The following ZEB2 variants were observed in gnomAD, a reference collection of about 807,000 sequenced individuals.
The protein encoded by ZEB2 is zinc finger E-box-binding homeobox 2.
A neutral mutation model predicts 99.9 loss-of-function variants in ZEB2; 6 were observed. That is an observed-to-expected ratio of 0.06 (90% CI 0.03 to 0.12). The LOEUF (loss-of-function observed/expected upper bound fraction) is 0.12. Among genes scored for constraint, ZEB2 ranks in the 10% least tolerant of loss-of-function variants. ZEB2 has a pLI of 1.00. For missense variants in ZEB2, 969 were observed against 1,502.8 expected (o/e 0.64, Z 5.87); for synonymous variants, 517 against 542.5 (o/e 0.95, Z 0.65).
rs1040666861 is a variant in ZEB2 at position 144,387,659 on chromosome 2, T to C, written c.*1792A>G. 1.3e-5 allele frequency: 2 copies of C among 152,342 alleles called. No homozygotes were observed. Among genetic ancestry groups the C allele is most frequent in the East Asian group, 3.9e-4 (2 of 5,192 alleles). The allele number at this position is 152,342 out of a possible 1,614,324, so 9.4% of individuals were successfully genotyped here. On this transcript the variant is annotated 3_prime_UTR_variant, in exon 10 of 10. Coordinates refer to ENST00000627532, the MANE Select transcript of ZEB2 (RefSeq NM_014795.4). Reference sequence around the variant, plus strand: ...GCTGTCTTTTTGAAATTAGACTTTTTTTTGAATAAATCACAAAGACCCCTT... The same window carrying C: ...GCTGTCTTTTTGAAATTAGACTTTTCTTTGAATAAATCACAAAGACCCCTT...
chr2:144,508,945 C>T (rs1279607799), intron 2 of ZEB2, among the ~76,000 whole-genome samples: 1 of 152,006 alleles, frequency 6.6e-6, no homozygotes, highest in Non-Finnish European at 1.5e-5. Flanking sequence ...TTTTAATGTG[C>T]TGCCTTGATT....
chr2:144,400,026 T>C lies in ZEB2; in HGVS notation c.1161A>G (p.Leu387=), dbSNP rs146673563. 1.0e-3 allele frequency: 1,626 copies of C among 1,614,214 alleles called. 2 individuals are homozygous for C. The highest frequency in any genetic ancestry group is 1.3e-3 in the Admixed American group (76 of 60,026). ...CTAGTGGTTCTGTTTTAATTTTAAGTAAGCCTGTCTGTTCAGACATACTAA... is the reference window on the plus strand; with the variant it reads ...CTAGTGGTTCTGTTTTAATTTTAAGCAAGCCTGTCTGTTCAGACATACTAA... ...KPLSMSEQTG[L]LKIKTEPLDF... The change falls in exon 8 of 10, where the codon TTA becomes TTG. Residue 387 remains leucine (L), a synonymous_variant. Coordinates refer to ENST00000627532, the MANE Select transcript of ZEB2 (RefSeq NM_014795.4).
Position 144,398,705 on chromosome 2 carries a change from T to C in ZEB2, c.2482A>G (p.Lys828Glu). ...LSLPKQMKEP[K>E]SIIATKNKTK... ...TTGTTCTTTGTGGCTATAATACTTT[T>C]GGGTTCTTTCATTTGTTTTGGTAAT... The change falls in exon 8 of 10, where the codon AAA (lysine) becomes GAA (glutamate). Residue 828 changes from lysine to glutamate, a missense_variant. Coordinates refer to ENST00000627532, the MANE Select transcript of ZEB2 (RefSeq NM_014795.4). 6.2e-7 allele frequency: 1 copy of C among 1,614,152 alleles called. No homozygotes were observed. Among genetic ancestry groups the C allele is most frequent in the South Asian group, 1.1e-5 (1 of 91,080 alleles).
At chr2:144,422,353 C>T (rs1053369842) in intron 4 of ZEB2, among the ~76,000 whole-genome samples, 7 of 152,210 alleles carry the variant, frequency 4.6e-5, no homozygotes, top group Admixed American at 1.3e-4. Flanking sequence ...AGATGTCACA[C>T]TTTCCCTTCT....
At chr2:144,400,771 T>G (rs1328813510) in intron 7 of ZEB2, among the ~76,000 whole-genome samples, 1 of 152,236 alleles carries the variant, frequency 6.6e-6, no homozygotes, top group Non-Finnish European at 1.5e-5. Flanking sequence ...TGTTCTGTGA[T>G]CCACGGCCCT....
chr2:144,519,247 C>G (rs1482350438), intron 1 of ZEB2: 1 of 152,196 alleles, frequency 6.6e-6, no homozygotes, highest in Non-Finnish European at 1.5e-5. Flanking sequence ...TAGTGCCCCC[C>G]CCTCCACTTT....
At position 144,520,068 on chromosome 2, in the gene ZEB2, G is replaced by A. The variant is rs1304656092; in HGVS notation, c.-199C>T. On this transcript the variant is annotated 5_prime_UTR_variant, in exon 1 of 10. Transcript: ENST00000627532. ...CCGGAGCAAACTGTACAAAAACCTC[G>A]CCAAGAGTGTCGGGAGGCAGGACCG... is the stretch of plus-strand genomic sequence containing the variant. 2 of 454,438 alleles carry A rather than the reference G, an allele frequency of 4.4e-6. No individual in the cohort carries two copies. Among genetic ancestry groups the A allele is most frequent in the African/African-American group, 4.0e-5 (2 of 49,996 alleles). 28.2% of individuals were successfully genotyped at this position (454,438 alleles called of 1,614,324 possible).
intron 2 of ZEB2, among the ~76,000 whole-genome samples, chr2:144,443,441 C>A (rs1035491988): frequency 6.6e-6 from 1 of 152,108 alleles, no homozygotes; most frequent in Non-Finnish European, 1.5e-5. Flanking sequence ...TGCAGTATTG[C>A]TTCAATCTGA....
chr2:144,514,058 GAGACTGAC>G, intron 2 of ZEB2: 1 of 564,192 alleles, frequency 1.8e-6, no homozygotes, highest in Non-Finnish European at 2.8e-6. Flanking sequence ...TGGGGGAAAG[GAGACTGAC>G]TGCCCGCTAT....
intron 2 of ZEB2, among the ~76,000 whole-genome samples, chr2:144,500,751 G>C (rs1433726960): frequency 6.6e-6 from 1 of 152,162 alleles, no homozygotes; most frequent in Non-Finnish European, 1.5e-5. Context: ...CTAGGCCTGG[G>C]AGCTGGGGGC....
At chr2:144,469,180 T>C (rs763841736) in intron 2 of ZEB2, among the ~76,000 whole-genome samples, 18 of 152,156 alleles carry the variant, frequency 1.2e-4, no homozygotes, top group Non-Finnish European at 2.2e-4. Flanking sequence ...GGCAGGCTTA[T>C]AGTAAAATGT....
chr2:144,448,183 G>A (rs1704010141), intron 2 of ZEB2, among the ~76,000 whole-genome samples: 1 of 152,166 alleles, frequency 6.6e-6, no homozygotes, highest in African/African-American at 2.4e-5. Flanking sequence ...GACTTACAGT[G>A]GTAAGATTTT....
intron 2 of ZEB2, among the ~76,000 whole-genome samples, chr2:144,485,537 G>A (rs1328932340): frequency 6.6e-6 from 1 of 152,112 alleles, no homozygotes; most frequent in African/African-American, 2.4e-5. Flanking sequence ...AGGAGTTGGG[G>A]AGTTATTTCT....
chr2:144,417,401 T>C (rs1029822254), intron 4 of ZEB2, among the ~76,000 whole-genome samples: 1 of 152,232 alleles, frequency 6.6e-6, no homozygotes, highest in South Asian at 2.1e-4. Context: ...TTTTTGTTTA[T>C]TGGTTGTTAT....
intron 2 of ZEB2, among the ~76,000 whole-genome samples, chr2:144,431,728 C>T (rs62169207): frequency 2.4e-5 from 3 of 125,750 alleles, no homozygotes; most frequent in Non-Finnish European, 4.9e-5. Flanking sequence ...TACCTTAGTA[C>T]AATCAATAAT....
Position 144,389,633 on chromosome 2 carries a change from C to T in ZEB2, c.3463G>A (p.Asp1155Asn), listed in dbSNP as rs761202423. The change falls in exon 10 of 10, where the codon GAT (aspartate) becomes AAT (asparagine). Residue 1155 changes from aspartate (D) to asparagine (N), a missense_variant. Asp to Asn is a conservative substitution (Grantham distance 23, BLOSUM62 1). Coordinates refer to ENST00000627532, the MANE Select transcript of ZEB2 (RefSeq NM_014795.4). The surrounding 1 kb of genome is among the most constrained non-coding windows in gnomAD (Gnocchi z 6.8). ...EDGYGKLGRQ[D>N]GDEEFEEEEE... ...TCCTCCTCGAACTCCTCGTCGCCAT[C>T]CTGTCTGCCCAGCTTCCCGTAGCCA... 1 of 1,614,006 alleles carries T rather than the reference C, an allele frequency of 6.2e-7. No homozygotes were observed. Among genetic ancestry groups the T allele is most frequent in the African/African-American group, 1.3e-5 (1 of 74,900 alleles).
intron 2 of ZEB2, among the ~76,000 whole-genome samples, chr2:144,451,379 G>A (rs1381182476): frequency 6.6e-6 from 1 of 152,128 alleles, no homozygotes; most frequent in Non-Finnish European, 1.5e-5. Flanking sequence ...ATGAATTTGT[G>A]CTTAGGAAAA....
chr2:144,408,657 A>G lies in ZEB2; in HGVS notation c.404-3633T>C, dbSNP rs546779677. Among the ~76,000 whole-genome samples, 5 of 152,306 alleles carry G rather than the reference A, an allele frequency of 3.3e-5. No individual in the cohort carries two copies. In the South Asian group the frequency reaches 1.0e-3, roughly 32 times the overall value. ...ATGAGGTGCAATAGGTGCTAGTAAT[A>G]TACAGTTTTTCTGCCCAGTACTTCA... On this transcript the variant is annotated intron_variant, in intron 4 of 9. Coordinates refer to ENST00000627532, the MANE Select transcript of ZEB2 (RefSeq NM_014795.4).
chr2:144,453,769 T>G (rs554320644), intron 2 of ZEB2, among the ~76,000 whole-genome samples: 1 of 152,060 alleles, frequency 6.6e-6, no homozygotes, highest in African/African-American at 2.4e-5. Context: ...TTGACATCAC[T>G]CAACAAAAAA....
Sources: gnomAD v4.1 joint callset for allele counts (sites outside exome capture counted in the v4.1 genomes callset) on GRCh38, gnomAD v4.1.1 for gene constraint, Gnocchi (gnomAD v3.1) non-coding constraint, MANE v1.5 for transcripts, NCBI Gene and HGNC (gene_info 2026-07-23, HGNC 2026-07-21) for gene names.